Variants in ZFR2 observed in about 807,000 individuals in gnomAD.
ZFR2 encodes the protein zinc finger RNA-binding protein 2.
Under a neutral mutation model 105.7 loss-of-function variants are expected in ZFR2, and 104 were observed. The observed-to-expected ratio is 0.98, with a 90% CI of 0.84 to 1.16. The LOEUF is 1.16. Among genes scored for constraint, ZFR2 ranks in the 50% most tolerant of loss-of-function variants. The pLI, the probability that ZFR2 is intolerant of heterozygous loss-of-function variation, is 0.00. For missense variants in ZFR2, 1,425 were observed against 1,355.5 expected, an observed-to-expected ratio of 1.05 and a Z score of -0.80; for synonymous variants, 634 against 597.7, an observed-to-expected ratio of 1.06 and a Z score of -0.89.
At position 3,831,386 on chromosome 19, in the gene ZFR2, TGCTGGGAAGCGGTG is replaced by T. The variant is rs1250234195; in HGVS notation, c.755_768del (p.Pro252GlnfsTer152). ...GGCCCCGCCTTGGGTCTCGGCAGCT[TGCTGGGAAGCGGTG>T]GCTTCGAGTCGGCCCTGGGGCTGCT... On this transcript the variant is annotated frameshift_variant, in exon 5 of 19. Coordinates refer to ENST00000262961, the MANE Select transcript of ZFR2 (RefSeq NM_015174.2). LOFTEE classifies it high-confidence loss of function. The T allele has an allele frequency of 1.5e-5, 23 of 1,557,572 alleles. No individual in the cohort carries two copies. Among genetic ancestry groups the T allele is most frequent in the Middle Eastern group, 1.7e-4 (1 of 5,912 alleles).
At chr19:3,825,120 C>A in intron 7 of ZFR2, 110 bp downstream of exon 7, 1 of 1,300,768 alleles carries the variant, frequency 7.7e-7, no homozygotes, top group Non-Finnish European at 1.0e-6. Flanking sequence ...CCTCACCACC[C>A]CCCGGGAAGA....
intron 8 of ZFR2, 101 bp from the exon 9 acceptor site, chr19:3,822,301 CATTTT>C (rs2037905343): frequency 1.0e-5 from 15 of 1,500,820 alleles, no homozygotes; most frequent in Non-Finnish European, 1.3e-5. Flanking sequence ...CCTTGCTGCT[CATTTT>C]ATTTATGTAT....
Position 3,831,025 on chromosome 19 carries a change from G to A in ZFR2, c.852+278C>T, listed in dbSNP as rs138848669. ...CACAGGCACATGCAGGCACACATGC[G>A]CACACATACGTGCAAGCACACATAC... is the stretch of plus-strand genomic sequence containing the variant. On this transcript the variant is annotated intron_variant, in intron 5 of 18. Coordinates refer to ENST00000262961, the MANE Select transcript of ZFR2 (RefSeq NM_015174.2). 3.0e-3 allele frequency among the ~76,000 whole-genome samples: 450 copies of A among 151,434 alleles called. 1 individual carries two copies. The highest frequency in any genetic ancestry group is 0.021 in the Middle Eastern group (6 of 292).
intron 1 of ZFR2, among the ~76,000 whole-genome samples, chr19:3,854,023 G>A (rs1314000451): frequency 6.6e-6 from 1 of 152,024 alleles, no homozygotes; most frequent in African/African-American, 2.4e-5. Flanking sequence ...GTTTGAGGCT[G>A]CAGTGAGCTT....
intron 12 of ZFR2, among the ~76,000 whole-genome samples, chr19:3,818,156 G>A (rs2037846132): frequency 6.6e-6 from 1 of 152,266 alleles, no homozygotes; most frequent in Non-Finnish European, 1.5e-5. Flanking sequence ...TCAGTGTTGT[G>A]TGATGTGGAT....
intron 5 of ZFR2, among the ~76,000 whole-genome samples, chr19:3,829,020 G>T (rs1181106085): frequency 6.7e-6 from 1 of 150,028 alleles, no homozygotes; most frequent in Non-Finnish European, 1.5e-5. Context: ...GGAGTGCAGT[G>T]GCGCGATCTC....
chr19:3,835,310 A>G (rs2038068071), intron 1 of ZFR2, among the ~76,000 whole-genome samples: 1 of 151,918 alleles, frequency 6.6e-6, no homozygotes, highest in East Asian at 1.9e-4. Context: ...CCATGTCAAG[A>G]TTCTTCAAAG....
chr19:3,868,753 C>A (rs1381632800), intron 1 of ZFR2, among the ~76,000 whole-genome samples: 1 of 152,104 alleles, frequency 6.6e-6, no homozygotes, highest in South Asian at 2.1e-4. Context: ...ACGTCTCAGC[C>A]GGAGCCCCGG....
In ZFR2 at chr19:3,821,533, G is replaced by A. The variant is rs1167682721; in HGVS notation, c.1492-54C>T. 5 of 1,493,470 alleles carry A rather than the reference G, an allele frequency of 3.3e-6. No homozygotes were observed. The East Asian group carries it at 1.2e-4, about 36-fold the overall frequency. The allele number at this position is 1,493,470 out of a possible 1,614,324, so 92.5% of individuals were successfully genotyped here. A position where few individuals can be genotyped will look rare whatever the true frequency, so the allele number is the denominator to read the frequency against. On this transcript the variant is annotated intron_variant, in intron 9 of 18. Coordinates refer to ENST00000262961, the MANE Select transcript of ZFR2 (RefSeq NM_015174.2). The stretch of plus-strand genomic sequence containing the variant: ...TAGGGACCTTGCTTTAGACAGGGAT[G>A]CCAGGAGGATCTTGGGGTGCAGGGA...
chr19:3,808,828 C>A (rs10406425), intron 17 of ZFR2, 44 bp downstream of exon 17: 21 of 1,480,454 alleles, frequency 1.4e-5, no homozygotes, highest in Non-Finnish European at 1.6e-5. Flanking sequence ...CTGGTCTCTG[C>A]GATTTGCCGC....
intron 1 of ZFR2, chr19:3,851,836 G>A (rs2038240803): frequency 6.5e-6 from 1 of 153,436 alleles, no homozygotes. Flanking sequence ...AGTTTTATTG[G>A]CACACAGCCA....
chr19:3,807,880 T>C (rs894491572), intron 17 of ZFR2, among the ~76,000 whole-genome samples: 1 of 150,446 alleles, frequency 6.6e-6, no homozygotes, highest in Non-Finnish European at 1.5e-5. Context: ...CCTGTGTGTG[T>C]GCATGTGTGC....
chr19:3,806,652 G>A (rs1198207153), intron 18 of ZFR2, among the ~76,000 whole-genome samples: 1 of 151,934 alleles, frequency 6.6e-6, no homozygotes. Context: ...TGTCCCAGGA[G>A]GCCCCCCCGC....
chr19:3,854,129 G>A (rs570278261), intron 1 of ZFR2, among the ~76,000 whole-genome samples: 67 of 148,606 alleles, frequency 4.5e-4, no homozygotes, highest in African/African-American at 1.5e-3. Context: ...AGTGGCCTAC[G>A]CCTGTAATCC....
At position 3,805,957 on chromosome 19, in the gene ZFR2, G is replaced by T; in HGVS notation, c.2812C>A (p.Leu938Ile). 5 of 1,533,078 alleles carry T rather than the reference G, an allele frequency of 3.3e-6. No individual in the cohort carries two copies. Among genetic ancestry groups the T allele is most frequent in the Non-Finnish European group, 3.5e-6 (4 of 1,142,766 alleles). 95.0% of individuals were successfully genotyped at this position (1,533,078 alleles called of 1,614,324 possible). A position where few individuals can be genotyped will look rare whatever the true frequency, so the allele number is the denominator to read the frequency against. Residue 938 changes from leucine to isoleucine, a missense_variant, in exon 19 of 19, where the codon CTC becomes ATC. Transcript: ENST00000262961. ...KKRGRRGGEGLV is the reference protein window; with the variant it reads ...KKRGRRGGEGIV ...TGGGGGAGGTAGGCGGCTCACACGA[G>T]CCCCTCTCCGCCCCGCCGGCCCCGC...
chr19:3,855,382 A>G, intron 1 of ZFR2: 2 of 1,231,720 alleles, frequency 1.6e-6, no homozygotes, highest in Non-Finnish European at 2.0e-6. Context: ...ACTATGAGAA[A>G]TTCTGTGTGT....
chr19:3,848,224 CA>C (rs2038202719), intron 1 of ZFR2, among the ~76,000 whole-genome samples: 1 of 152,056 alleles, frequency 6.6e-6, no homozygotes, highest in South Asian at 2.1e-4. Flanking sequence ...CCAGCCTGGC[CA>C]ACATGGTGAA....
rs762975080 is a variant in ZFR2, at chr19:3,808,940, C to T, written c.2477G>A (p.Gly826Glu). Reference protein sequence around the residue: ...LVEKAVSSAAGPLGPGDAVRR... With the variant: ...LVEKAVSSAAEPLGPGDAVRR... ...GACTGCATCCCCGGGGCCCAGGGGC[C>T]CAGCCGCACTGCTCACAGCCTTCTC... Residue 826 changes from glycine to glutamate, a missense_variant, in exon 17 of 19, where the codon GGG becomes GAG. Physicochemically the swap from Gly to Glu is moderately conservative, Grantham distance 98 (BLOSUM62 -2). Transcript: ENST00000262961. The T allele has an allele frequency of 2.7e-5, 42 of 1,572,034 alleles. No individual in the cohort carries two copies. Among genetic ancestry groups the T allele is most frequent in the Non-Finnish European group, 3.4e-5 (40 of 1,161,034 alleles).
At position 3,805,409 on chromosome 19, in the gene ZFR2, T is replaced by G. The variant is rs2037685402; in HGVS notation, c.*540A>C. 6.6e-6 allele frequency: 1 copy of G among 152,550 alleles called. No individual in the cohort carries two copies. Among genetic ancestry groups the G allele is most frequent in the Admixed American group, 6.5e-5 (1 of 15,286 alleles). The allele number at this position is 152,550 out of a possible 1,614,324, so 9.4% of individuals were successfully genotyped here. A position where few individuals can be genotyped will look rare whatever the true frequency, so the allele number is the denominator to read the frequency against. On this transcript the variant is annotated 3_prime_UTR_variant, in exon 19 of 19. Transcript: ENST00000262961. ...CAAAGTCTTCTTCTGTTGCCCAGGC[T>G]GGAGTGTCACGGTGCAATCACAGCT... is the stretch of plus-strand genomic sequence containing the variant.
Sources: allele counts gnomAD v4.1 joint callset (sites outside exome capture counted in the v4.1 genomes callset), GRCh38; gene constraint gnomAD v4.1.1; transcripts MANE v1.5; gene names NCBI Gene and HGNC (gene_info 2026-07-23, HGNC 2026-07-21).